MAST4: variants seen among roughly 807,000 people sequenced by gnomAD.
The protein encoded by MAST4 is microtubule associated serine/threonine kinase family member 4, also known as microtubule-associated serine/threonine-protein kinase 4.
A neutral mutation model predicts 162.7 loss-of-function variants in MAST4; 89 were observed. The observed-to-expected ratio is 0.55, with a 90% CI of 0.46 to 0.65. The LOEUF (loss-of-function observed/expected upper bound fraction) is 0.65, where lower values mean the gene tolerates loss of function less well. MAST4 is among the 30% of genes least tolerant of loss of function. The probability of loss-of-function intolerance (pLI) is 0.00; values close to 1 mark genes in which losing one functional copy is unlikely to be tolerated. For synonymous variants in MAST4, 1,479 were observed against 1,361.1 expected (o/e 1.09, Z -1.91); for missense variants, 3,153 against 3,374.0 (o/e 0.93, Z 1.62).
chr5:66,947,098 C>G (rs879618360), intron 4 of MAST4, among the ~76,000 whole-genome samples: 2 of 152,086 alleles, frequency 1.3e-5, no homozygotes, highest in African/African-American at 2.4e-5. Context: ...TGAGTAAATT[C>G]TCTTAGGGAC....
At chr5:66,752,422 T>G (rs1282387036) in intron 1 of MAST4, among the ~76,000 whole-genome samples, 1 of 147,910 alleles carries the variant, frequency 6.8e-6, no homozygotes, top group Non-Finnish European at 1.5e-5. Flanking sequence ...GAGACACACA[T>G]AGGCTCAAAA....
rs1762184332 is a variant in MAST4, at chr5:67,078,916, ATATATAT to A, written c.764-11245_764-11239del. Among the ~76,000 whole-genome samples the A allele has an allele frequency of 1.3e-3, 84 of 65,682 alleles. 5 individuals are homozygous for A. The highest frequency in any genetic ancestry group is 4.9e-3 in the East Asian group (11 of 2,226). The allele number at this position is 65,682 out of a possible 152,430, so 43.1% of individuals were successfully genotyped here. On this transcript the variant is annotated intron_variant, in intron 5 of 28. Coordinates refer to ENST00000403625, the MANE Select transcript of MAST4 (RefSeq NM_001164664.2). ...TATTTATATATTTTTATATAAATATATATATATATATATATATATATATATATATATA... is the reference window on the plus strand; with the variant it reads ...TATTTATATATTTTTATATAAATATAATATATATATATATATATATATATA...
intron 2 of MAST4, among the ~76,000 whole-genome samples, chr5:66,779,825 T>C (rs1348338123): frequency 6.6e-6 from 1 of 152,224 alleles, no homozygotes; most frequent in Admixed American, 6.5e-5. Flanking sequence ...AGTGACTCTT[T>C]GCGGTCTTTG....
chr5:67,115,950 A>G (rs1488844718), intron 12 of MAST4, among the ~76,000 whole-genome samples: 2 of 151,978 alleles, frequency 1.3e-5, no homozygotes, highest in Non-Finnish European at 2.9e-5. Flanking sequence ...TCACGCTGGT[A>G]TAGTTAAGAT....
In MAST4 at chr5:67,166,458, C is replaced by G. The variant is rs1344555163; in HGVS notation, c.7279C>G (p.Pro2427Ala). 3 of 1,601,996 alleles carry G rather than the reference C, an allele frequency of 1.9e-6. No homozygotes were observed. Among genetic ancestry groups the G allele is most frequent in the Non-Finnish European group, 2.6e-6 (3 of 1,173,816 alleles). The change falls in exon 29 of 29, where the codon CCA (proline) becomes GCA (alanine). Residue 2427 changes from proline (P) to alanine (A), a missense_variant. Around this residue, in one of 7 missense-constraint regions of MAST4, gnomAD observed 1,644 missense variants for 1,495.0 expected, o/e 1.10. Transcript: ENST00000403625. The stretch of plus-strand genomic sequence containing the variant: ...AGGGAAAGGGCCCGGTCCCCAGAAG[C>G]CACCGACGGAGGCAGACAAGCCCAA... ...ARGKGPGPQKPPTEADKPNGM... is the reference protein window; with the variant it reads ...ARGKGPGPQKAPTEADKPNGM...
intron 3 of MAST4, among the ~76,000 whole-genome samples, chr5:66,863,914 G>T (rs1760296507): frequency 6.6e-6 from 1 of 152,202 alleles, no homozygotes; most frequent in Non-Finnish European, 1.5e-5. Context: ...TCCTTTGTAA[G>T]TAATCCCTTA....
chr5:66,712,781 G>A (rs1750577576), intron 1 of MAST4, among the ~76,000 whole-genome samples: 2 of 152,126 alleles, frequency 1.3e-5, no homozygotes, highest in South Asian at 2.1e-4. Flanking sequence ...GTATGTCTTT[G>A]AGTATTCACT....
chr5:67,131,765 C>T (rs1199769948), intron 15 of MAST4, 48 bp from the exon 16 acceptor site: 3 of 1,593,418 alleles, frequency 1.9e-6, no homozygotes, highest in South Asian at 1.1e-5. Flanking sequence ...TGATTTTCTA[C>T]ATTAAGCCTT....
rs956284576 is a variant in MAST4, at chr5:66,764,992, T to C, written c.517+5130T>C. On this transcript the variant is annotated intron_variant, in intron 2 of 28. Coordinates refer to ENST00000403625, the MANE Select transcript of MAST4 (RefSeq NM_001164664.2). The stretch of plus-strand genomic sequence containing the variant: ...CTATACAGGTGTACCACTTTTTATC[T>C]TTTATATTTTAAGGTAGCTTTTCTA... Among the ~76,000 whole-genome samples, 3 of 152,278 alleles carry C rather than the reference T, an allele frequency of 2.0e-5. No homozygotes were observed. In the East Asian group the frequency reaches 5.8e-4, roughly 29 times the overall value.
At chr5:67,048,950 T>C (rs1757703578) in intron 4 of MAST4, among the ~76,000 whole-genome samples, 1 of 147,052 alleles carries the variant, frequency 6.8e-6, no homozygotes, top group Non-Finnish European at 1.5e-5. Flanking sequence ...CACACACATA[T>C]AGTGTGGTTA....
At chr5:67,026,742 C>G (rs1184117158) in intron 4 of MAST4, among the ~76,000 whole-genome samples, 1 of 152,108 alleles carries the variant, frequency 6.6e-6, no homozygotes, top group African/African-American at 2.4e-5. Flanking sequence ...AGGCACACTT[C>G]TGGAATATTT....
chr5:66,797,056 C>T (rs563302207), intron 3 of MAST4, among the ~76,000 whole-genome samples: 14 of 152,164 alleles, frequency 9.2e-5, no homozygotes, highest in African/African-American at 2.2e-4. Context: ...AAAGTAGTGA[C>T]GGCCACTGTT....
At chr5:67,061,829 A>G (rs1472346880) in intron 5 of MAST4, among the ~76,000 whole-genome samples, 1 of 152,124 alleles carries the variant, frequency 6.6e-6, no homozygotes, top group East Asian at 1.9e-4. Flanking sequence ...GCAAAAAAAA[A>G]AAAAAAAAAT....
At position 67,145,373 on chromosome 5, in the gene MAST4, C is replaced by CT; in HGVS notation, c.3089dup (p.Ser1031ValfsTer24). ...AGCCAGCACCATCAGCAGCTCCACCCTGTCAGGTAAGCCCCGGGCCATAGT... is the reference window on the plus strand; with the variant it reads ...AGCCAGCACCATCAGCAGCTCCACCCTTGTCAGGTAAGCCCCGGGCCATAGT... On this transcript the variant is annotated frameshift_variant, in exon 23 of 29. Coordinates refer to ENST00000403625, the MANE Select transcript of MAST4 (RefSeq NM_001164664.2). LOFTEE classifies it high-confidence loss of function. The CT allele has an allele frequency of 6.2e-7, 1 of 1,612,518 alleles. No homozygotes were observed. Among genetic ancestry groups the CT allele is most frequent in the Non-Finnish European group, 8.5e-7 (1 of 1,179,716 alleles).
At chr5:66,981,340 G>A (rs1748794661) in intron 4 of MAST4, among the ~76,000 whole-genome samples, 1 of 152,214 alleles carries the variant, frequency 6.6e-6, no homozygotes, top group Non-Finnish European at 1.5e-5. Context: ...GCAGTCAATT[G>A]TTCGTTTCTC....
At chr5:66,903,293 A>G (rs897021832) in intron 4 of MAST4, among the ~76,000 whole-genome samples, 4 of 152,168 alleles carry the variant, frequency 2.6e-5, no homozygotes, top group African/African-American at 9.7e-5. Context: ...TATTATAGCC[A>G]CTATATTTTT....
rs563630488 is a variant in MAST4 at position 66,796,829 on chromosome 5, A to G, written c.642+8035A>G. ...CATAGGGTGGTAAATGCCTGCACCT[A>G]GCTGTCCTATTCCTTACTGTATCTG... On this transcript the variant is annotated intron_variant, in intron 3 of 28. Transcript: ENST00000403625. Among the ~76,000 whole-genome samples, 3 of 152,308 alleles carry G rather than the reference A, an allele frequency of 2.0e-5. No individual in the cohort carries two copies. The East Asian group carries it at 5.8e-4, about 29-fold the overall frequency.
chr5:66,742,313 G>A (rs535629170), intron 1 of MAST4, among the ~76,000 whole-genome samples: 104 of 152,294 alleles, frequency 6.8e-4, no homozygotes, highest in African/African-American at 2.5e-3. Flanking sequence ...TGGCACTCAA[G>A]CTCATTAAGT....
intron 1 of MAST4, among the ~76,000 whole-genome samples, chr5:66,620,290 T>C (rs1408009782): frequency 6.6e-6 from 1 of 152,166 alleles, no homozygotes; most frequent in African/African-American, 2.4e-5. Context: ...TATATAGAAG[T>C]CTACAATACT....
Sources: gnomAD v4.1 joint callset for allele counts (sites outside exome capture counted in the v4.1 genomes callset) on GRCh38, gnomAD v4.1.1 for gene constraint, gnomAD v4.1.1 regional missense constraint, MANE v1.5 for transcripts, NCBI Gene and HGNC (gene_info 2026-07-23, HGNC 2026-07-21) for gene names.